Variants in FGF12 observed in about 807,000 individuals in gnomAD.
FGF12 encodes the protein fibroblast growth factor 12, also known as fibroblast growth factor 12B.
Under a neutral mutation model 23.6 loss-of-function variants are expected in FGF12, and 14 were observed. That is an observed-to-expected ratio of 0.59 (90% confidence interval 0.39 to 0.93). The LOEUF (loss-of-function observed/expected upper bound fraction) is 0.93. FGF12 is among the 40% of genes least tolerant of loss of function. FGF12 has a pLI of 0.00. For synonymous variants in FGF12, 62 were observed against 77.3 expected (o/e 0.80, Z 1.04); for missense variants, 175 against 217.8 (o/e 0.80, Z 1.24).
chr3:192,481,907 T>C (rs1723490925), intron 2 of FGF12, among the ~76,000 whole-genome samples: 1 of 152,168 alleles, frequency 6.6e-6, no homozygotes, highest in Admixed American at 6.5e-5. Context: ...AGTCAGAGAA[T>C]AATAAACTGA....
At chr3:192,232,195 G>A (rs138324298) in intron 4 of FGF12, among the ~76,000 whole-genome samples, 296 of 152,190 alleles carry the variant, frequency 1.9e-3, no homozygotes, top group Non-Finnish European at 3.4e-3. Context: ...AATGGGAAAT[G>A]AGCTTGTCTA....
In FGF12 at chr3:192,390,465, T is replaced by G. The variant is rs180907736; in HGVS notation, c.14-29927A>C. Among the ~76,000 whole-genome samples, 217 of 152,334 alleles carry G rather than the reference T, an allele frequency of 1.4e-3. 1 individual carries two copies. The highest frequency in any genetic ancestry group is 5.2e-3 in the Admixed American group (79 of 15,296). On this transcript the variant is annotated intron_variant, in intron 2 of 5. Transcript: ENST00000445105. The stretch of plus-strand genomic sequence containing the variant: ...AAGTAATGTGACATTAAATATGTTT[T>G]GAAAAATTATGTGTGAAGAATAATC...
At chr3:192,252,801 A>C (rs1250029505) in intron 4 of FGF12, among the ~76,000 whole-genome samples, 1 of 152,120 alleles carries the variant, frequency 6.6e-6, no homozygotes, top group African/African-American at 2.4e-5. Flanking sequence ...TATATATCTC[A>C]GTAAAATTAA....
At chr3:192,345,140 A>G (rs1464661973) in intron 3 of FGF12, among the ~76,000 whole-genome samples, 1 of 152,218 alleles carries the variant, frequency 6.6e-6, no homozygotes, top group African/African-American at 2.4e-5. Flanking sequence ...AATTCATCAC[A>G]TATATTCCAG....
At chr3:192,470,306 A>C (rs1324632757) in intron 2 of FGF12, among the ~76,000 whole-genome samples, 1 of 152,250 alleles carries the variant, frequency 6.6e-6, no homozygotes, top group Non-Finnish European at 1.5e-5. Flanking sequence ...AGAACAATCT[A>C]AATGCATTAC....
intron 4 of FGF12, among the ~76,000 whole-genome samples, chr3:192,210,109 G>A (rs1019559767): frequency 6.6e-6 from 1 of 152,094 alleles, no homozygotes; most frequent in Non-Finnish European, 1.5e-5. Flanking sequence ...GAAACATGCA[G>A]TGTACAACTG....
Position 192,514,540 on chromosome 3 carries a change from G to A in FGF12, c.14-154002C>T, listed in dbSNP as rs1165815813. On this transcript the variant is annotated intron_variant, in intron 2 of 5. Coordinates refer to ENST00000445105, the MANE Select transcript of FGF12 (RefSeq NM_004113.6). This position sits in a 1 kb window ranked among gnomAD's most constrained non-coding sequence, Gnocchi z 4.9. ...GAGGGGCCCTGACCTCGCCCCAGTC[G>A]GGAAACGCCTTCCCTCCGCCACAGG... 3.6e-6 allele frequency: 1 copy of A among 279,560 alleles called. No homozygotes were observed. The highest frequency in any genetic ancestry group is 1.4e-4 in the South Asian group (1 of 7,380). 17.3% of individuals were successfully genotyped at this position (279,560 alleles called of 1,614,324 possible).
intron 2 of FGF12, among the ~76,000 whole-genome samples, chr3:192,718,616 C>A (rs1234129916): frequency 3.9e-5 from 6 of 152,166 alleles, no homozygotes; most frequent in Admixed American, 6.5e-5. Flanking sequence ...CCCAAGACAG[C>A]GTCTTTTCCA....
intron 4 of FGF12, among the ~76,000 whole-genome samples, chr3:192,282,453 G>A (rs137981384): frequency 1.1e-4 from 17 of 152,136 alleles, no homozygotes; most frequent in African/African-American, 2.4e-4. Flanking sequence ...ACTGTGTGCC[G>A]TCCCTCCATA....
At chr3:192,511,133 G>A (rs553179350) in intron 2 of FGF12, among the ~76,000 whole-genome samples, 3 of 152,094 alleles carry the variant, frequency 2.0e-5, no homozygotes, top group South Asian at 2.1e-4. Flanking sequence ...AGTAAATAAC[G>A]CAGAAGAGTC....
intron 4 of FGF12, among the ~76,000 whole-genome samples, chr3:192,273,574 C>T (rs779395977): frequency 2.6e-5 from 4 of 152,100 alleles, no homozygotes; most frequent in Non-Finnish European, 4.4e-5. Context: ...GTTGTTTGCA[C>T]ATCCATGTCT....
intron 2 of FGF12, among the ~76,000 whole-genome samples, chr3:192,656,734 AT>A (rs36042475): frequency 6.6e-6 from 1 of 152,252 alleles, no homozygotes; most frequent in African/African-American, 2.4e-5. Flanking sequence ...TTCATGTAAT[AT>A]TTTTCAGAGT....
At chr3:192,169,996 G>A (rs867557843) in intron 5 of FGF12, among the ~76,000 whole-genome samples, 2 of 147,852 alleles carry the variant, frequency 1.4e-5, no homozygotes, top group Middle Eastern at 3.4e-3. Flanking sequence ...TGTATCTTGA[G>A]AAAGGAAATT....
chr3:192,669,751 T>A (rs1717040911), intron 2 of FGF12, among the ~76,000 whole-genome samples: 1 of 152,146 alleles, frequency 6.6e-6, no homozygotes, highest in South Asian at 2.1e-4. Context: ...ATCATTTTCT[T>A]ATGATAATGT....
intron 2 of FGF12, among the ~76,000 whole-genome samples, chr3:192,714,039 A>G (rs895805407): frequency 3.9e-5 from 6 of 152,238 alleles, no homozygotes; most frequent in Non-Finnish European, 7.3e-5. Context: ...CAGTTCTGAG[A>G]TACTTAAAAT....
At chr3:192,252,217 T>C (rs1310301261) in intron 4 of FGF12, among the ~76,000 whole-genome samples, 1 of 151,414 alleles carries the variant, frequency 6.6e-6, no homozygotes, top group Non-Finnish European at 1.5e-5. Context: ...TCACAGCACT[T>C]TGGGAGGCCA....
intron 5 of FGF12, among the ~76,000 whole-genome samples, chr3:192,147,676 G>A (rs928265651): frequency 6.6e-6 from 1 of 152,054 alleles, no homozygotes; most frequent in African/African-American, 2.4e-5. Flanking sequence ...AAATATAAAA[G>A]AAATTAAGCC....
At chr3:192,412,289 T>C (rs1721222814) in intron 2 of FGF12, among the ~76,000 whole-genome samples, 1 of 152,086 alleles carries the variant, frequency 6.6e-6, no homozygotes, top group Non-Finnish European at 1.5e-5. Context: ...GTTTATGAGA[T>C]ATGAGGGTGT....
At chr3:192,544,583 T>TA (rs1560145676) in intron 2 of FGF12, among the ~76,000 whole-genome samples, 2 of 152,228 alleles carry the variant, frequency 1.3e-5, no homozygotes, top group Admixed American at 1.3e-4. Flanking sequence ...ATCTCAGTAT[T>TA]AAAGTTATCC....
Sources: gnomAD v4.1 joint callset for allele counts (sites outside exome capture counted in the v4.1 genomes callset) on GRCh38, gnomAD v4.1.1 for gene constraint, Gnocchi (gnomAD v3.1) non-coding constraint, MANE v1.5 for transcripts, NCBI Gene and HGNC (gene_info 2026-07-23, HGNC 2026-07-21) for gene names.